MRPL4: variants seen among roughly 807,000 people sequenced by gnomAD.
MRPL4 encodes large ribosomal subunit protein uL4m.
MRPL4 carries 34 observed loss-of-function variants against 34.1 expected under a neutral mutation model. The ratio of observed to expected loss-of-function variants is 1.00; its 90% CI spans 0.76 to 1.33. The LOEUF is 1.33. MRPL4 is among the 40% of genes most tolerant of loss of function. The probability of loss-of-function intolerance (pLI) is 0.00; values close to 1 mark genes in which losing one functional copy is unlikely to be tolerated. For missense variants in MRPL4, 402 were observed against 434.6 expected (o/e 0.92, Z 0.67); for synonymous variants, 196 against 188.3 (o/e 1.04, Z -0.33).
At chr19:10,253,651 C>G (rs540765799) in intron 3 of MRPL4, among the ~76,000 whole-genome samples, 1 of 151,798 alleles carries the variant, frequency 6.6e-6, no homozygotes, top group African/African-American at 2.4e-5. Context: ...ATTAGCCGGA[C>G]GTCTTAGTGC....
intron 2 of MRPL4, 30 bp downstream of exon 2, chr19:10,252,493 G>A: frequency 6.2e-7 from 1 of 1,613,952 alleles, no homozygotes. Flanking sequence ...TCCAGGAGGG[G>A]CGGCGACAGA....
intron 3 of MRPL4, 126 bp downstream of exon 3, chr19:10,252,827 C>T: frequency 7.6e-7 from 1 of 1,308,392 alleles, no homozygotes; most frequent in Admixed American, 2.5e-5. Context: ...CGTTTCTCCA[C>T]CTGTCAAAGG....
intron 3 of MRPL4, among the ~76,000 whole-genome samples, chr19:10,253,395 C>T (rs940598461): frequency 6.9e-6 from 1 of 144,388 alleles, no homozygotes; most frequent in South Asian, 2.2e-4. Context: ...AAGAGAATGG[C>T]GTGAACCCGG....
rs138290957 is a variant in MRPL4, at chr19:10,256,740, G to A, written c.360G>A (p.Val120=). Residue 120 remains valine (V), a synonymous_variant, in exon 5 of 9, where the codon GTG becomes GTA. Coordinates refer to ENST00000253099, the MANE Select transcript of MRPL4 (RefSeq NM_015956.3). ...SYAKTKTRAE[V]RGGGRKPWPQ... The stretch of plus-strand genomic sequence containing the variant: ...CCAAGACCAAGACGAGAGCCGAGGT[G>A]CGGGGCGGTGGCCGGAAGCCTTGGC... 9.1e-5 allele frequency: 146 copies of A among 1,605,556 alleles called. 1 individual carries two copies. In the Middle Eastern group the frequency reaches 1.3e-3, roughly 15 times the overall value.
At chr19:10,259,315 G>T in intron 8 of MRPL4, 1 of 1,380,420 alleles carries the variant, frequency 7.2e-7, no homozygotes, top group South Asian at 1.8e-5. Context: ...TCACCTCCCT[G>T]CCCTCCCGTC....
chr19:10,259,588 C>CCCCCGCCCCGCCCCCA, intron 8 of MRPL4, 29 bp from the exon 9 acceptor site: 3 of 1,275,588 alleles, frequency 2.4e-6, no homozygotes, highest in Non-Finnish European at 3.0e-6. Flanking sequence ...CCTGACCGGC[C>CCCCCGCCCCGCCCCCA]CCCCGCCCCG....
At position 10,258,730 on chromosome 19, in the gene MRPL4, C is replaced by T. The variant is rs749909878; in HGVS notation, c.739+45C>T. On this transcript the variant is annotated intron_variant, in intron 8 of 8. Transcript: ENST00000253099. ...CCCTAGAGTGCGCATGTGCAGGCTC[C>T]GCTGTTAGAATCACAGCGGTTCAAA... The T allele has an allele frequency of 1.9e-5, 30 of 1,613,822 alleles. 1 individual carries two copies. Among genetic ancestry groups the T allele is most frequent in the Admixed American group, 1.2e-4 (7 of 59,988 alleles).
Position 10,259,886 on chromosome 19 carries a change from G to A in MRPL4, c.*73G>A, listed in dbSNP as rs1235611458. 16 of 1,358,468 alleles carry A rather than the reference G, an allele frequency of 1.2e-5. No homozygotes were observed. The highest frequency in any genetic ancestry group is 6.7e-5 in the Admixed American group (3 of 44,464). The allele number at this position is 1,358,468 out of a possible 1,614,324, so 84.2% of individuals were successfully genotyped here. A position where few individuals can be genotyped will look rare whatever the true frequency, so the allele number is the denominator to read the frequency against. On this transcript the variant is annotated 3_prime_UTR_variant, in exon 9 of 9. Coordinates refer to ENST00000253099, the MANE Select transcript of MRPL4 (RefSeq NM_015956.3). Reference sequence around the variant, plus strand: ...AGCCTCAGGCCCACGCCCACCCTTCGAGGAAGGTGTCACCTGGACCCCTTC... The same window carrying A: ...AGCCTCAGGCCCACGCCCACCCTTCAAGGAAGGTGTCACCTGGACCCCTTC...
At chr19:10,253,854 G>A (rs993537632) in intron 3 of MRPL4, among the ~76,000 whole-genome samples, 19 of 151,974 alleles carry the variant, frequency 1.3e-4, no homozygotes, top group Admixed American at 6.6e-5. Context: ...AAACTATGTC[G>A]AAATCACATT....
intron 8 of MRPL4, chr19:10,259,248 C>T (rs775177274): frequency 3.0e-6 from 4 of 1,333,942 alleles, no homozygotes; most frequent in Admixed American, 3.7e-5. Flanking sequence ...CCACCTCTCT[C>T]AGGATGAAAG....
intron 5 of MRPL4, 41 bp downstream of exon 5, chr19:10,256,866 G>GGGGGGGTGGGGGGGGGGGGGGC: frequency 2.6e-6 from 1 of 378,382 alleles, no homozygotes; most frequent in Non-Finnish European, 5.0e-6. Flanking sequence ...GGGTGGGGGG[G>GGGGGGGTGGGGGGGGGGGGGGC]CCAGGGAAGG....
At position 10,259,630 on chromosome 19, in the gene MRPL4, C is replaced by T. The variant is rs752405067; in HGVS notation, c.753C>T (p.His251=). Residue 251 remains histidine (H), a synonymous_variant, in exon 9 of 9, where the codon CAC becomes CAT. Coordinates refer to ENST00000253099, the MANE Select transcript of MRPL4 (RefSeq NM_015956.3). The part of the protein sequence containing the change: ...NLIPAVGLNV[H]SMLKHQTLVL... ...CCCCGCCCCCAGGCCTAAATGTGCA[C>T]AGCATGCTCAAGCACCAGACGCTGG... 4 of 1,498,344 alleles carry T rather than the reference C, an allele frequency of 2.7e-6. No homozygotes were observed. The highest frequency in any genetic ancestry group is 3.6e-6 in the Non-Finnish European group (4 of 1,111,758). 92.8% of individuals were successfully genotyped at this position (1,498,344 alleles called of 1,614,324 possible). A position where few individuals can be genotyped will look rare whatever the true frequency, so the allele number is the denominator to read the frequency against.
intron 4 of MRPL4, among the ~76,000 whole-genome samples, chr19:10,256,434 GTGAGAC>G (rs2039852136): frequency 6.6e-6 from 1 of 152,090 alleles, no homozygotes; most frequent in African/African-American, 2.4e-5. Context: ...GGGTGACAGA[GTGAGAC>G]TGCCTCAAAA....
At chr19:10,257,482 C>G (rs946952414) in intron 5 of MRPL4, among the ~76,000 whole-genome samples, 1 of 152,034 alleles carries the variant, frequency 6.6e-6, no homozygotes, top group African/African-American at 2.4e-5. Flanking sequence ...CGGAGCTACC[C>G]TGATTTCTTC....
chr19:10,252,593 C>A lies in MRPL4; in HGVS notation c.167C>A (p.Pro56His), dbSNP rs890250247. The A allele has an allele frequency of 2.5e-6, 4 of 1,612,924 alleles. No homozygotes were observed. Among genetic ancestry groups the A allele is most frequent in the Non-Finnish European group, 2.5e-6 (3 of 1,179,838 alleles). Residue 56 changes from proline (P) to histidine (H), a missense_variant, in exon 3 of 9, where the codon CCC becomes CAC. Transcript: ENST00000253099. ...PVLRKVELPVPTHRRPVQAWV... is the reference protein window; with the variant it reads ...PVLRKVELPVHTHRRPVQAWV... Reference sequence around the variant, plus strand: ...CTGCGCAAAGTCGAGCTCCCGGTACCCACTCATCGACGCCCAGTGCAGGCC... The same window carrying A: ...CTGCGCAAAGTCGAGCTCCCGGTACACACTCATCGACGCCCAGTGCAGGCC...
In MRPL4 at chr19:10,258,386, G is replaced by T. The variant is rs545877428; in HGVS notation, c.553-27G>T. 3.7e-6 allele frequency: 6 copies of T among 1,613,952 alleles called. 1 individual carries two copies. In the African/African-American group the frequency reaches 6.7e-5, roughly 18 times the overall value. On this transcript the variant is annotated intron_variant, in intron 6 of 8. Transcript: ENST00000253099. Reference sequence around the variant, plus strand: ...GAGGTGGGGCTGCTCTGGACCCAGGGTTCAAACCATCCTTTCCTTCCACCA... The same window carrying T: ...GAGGTGGGGCTGCTCTGGACCCAGGTTTCAAACCATCCTTTCCTTCCACCA...
chr19:10,253,461 ACT>A (rs1399916118), intron 3 of MRPL4, among the ~76,000 whole-genome samples: 2 of 103,838 alleles, frequency 1.9e-5, no homozygotes, highest in African/African-American at 3.9e-5. Flanking sequence ...CCTGGGCAAC[ACT>A]CTGTCTCAAA....
At chr19:10,259,188 T>C in intron 8 of MRPL4, 1 of 1,239,288 alleles carries the variant, frequency 8.1e-7, no homozygotes, top group Non-Finnish European at 1.0e-6. Context: ...GATGGCGACA[T>C]GAGCCTAAGT....
chr19:10,253,203 G>A (rs917857482), intron 3 of MRPL4, among the ~76,000 whole-genome samples: 12 of 152,142 alleles, frequency 7.9e-5, no homozygotes, highest in African/African-American at 1.2e-4. Flanking sequence ...CACCCTGGGC[G>A]CAGTGGCTCA....
Sources: allele counts gnomAD v4.1 joint callset (sites outside exome capture counted in the v4.1 genomes callset), GRCh38; gene constraint gnomAD v4.1.1; transcripts MANE v1.5; gene names NCBI Gene and HGNC (gene_info 2026-07-23, HGNC 2026-07-21).